The following PLK4 variants were observed in gnomAD, a reference collection of about 807,000 sequenced individuals.
The protein encoded by PLK4 is polo like kinase 4.
In PLK4, 51 loss-of-function variants were observed where a neutral mutation model predicts 103.0. The observed-to-expected ratio is 0.50, with a 90% CI of 0.40 to 0.63. The LOEUF is 0.63. Among genes scored for constraint, PLK4 ranks in the 20% least tolerant of loss-of-function variants. The pLI, the probability that PLK4 is intolerant of heterozygous loss-of-function variation, is 0.00. For synonymous variants in PLK4, 389 were observed against 376.8 expected (o/e 1.03, Z -0.38); for missense variants, 1,054 against 1,151.0 (o/e 0.92, Z 1.22).
rs142370870 is a variant in PLK4 at position 127,887,494 on chromosome 4, A to G, written c.1457A>G (p.Asn486Ser). Residue 486 changes from asparagine to serine, a missense_variant and splice_region_variant, in exon 6 of 16, where the codon AAT becomes AGT. Asn to Ser is a conservative substitution (Grantham distance 46). Transcript: ENST00000270861. ...VQQWFGNLQI[N>S]AHLRKTTEYD... ...CAGTGGTTTGGGAATCTGCAAATAA[A>G]TGGTGAGTTTTTAATGGAGTATTTA... 5.1e-6 allele frequency: 8 copies of G among 1,563,362 alleles called. No homozygotes were observed. Among genetic ancestry groups the G allele is most frequent in the Non-Finnish European group, 6.2e-6 (7 of 1,136,768 alleles).
At chr4:127,881,276 A>T in intron 1 of PLK4, 112 bp downstream of exon 1, 1 of 1,571,968 alleles carries the variant, frequency 6.4e-7, no homozygotes, top group Non-Finnish European at 8.6e-7. Flanking sequence ...GCGGGCACCG[A>T]GGTGCTTAGG....
In PLK4 at chr4:127,880,922, C is replaced by T; in HGVS notation, c.-213C>T. The T allele has an allele frequency of 1.7e-6, 1 of 589,854 alleles. No homozygotes were observed. The highest frequency in any genetic ancestry group is 3.0e-6 in the Non-Finnish European group (1 of 332,056). 36.5% of individuals were successfully genotyped at this position (589,854 alleles called of 1,614,324 possible). A position where few individuals can be genotyped will look rare whatever the true frequency, so the allele number is the denominator to read the frequency against. ...CCAGCCTAGCTCGGACGGCAAGCGGCGGGAGATTTTCAAAATGGGAGCCCA... is the reference window on the plus strand; with the variant it reads ...CCAGCCTAGCTCGGACGGCAAGCGGTGGGAGATTTTCAAAATGGGAGCCCA... On this transcript the variant is annotated 5_prime_UTR_variant, in exon 1 of 16. Transcript: ENST00000270861.
At position 127,881,111 on chromosome 4, in the gene PLK4, G is replaced by C. The variant is rs1734898147; in HGVS notation, c.-24G>C. The C allele has an allele frequency of 1.2e-6, 2 of 1,613,706 alleles. No homozygotes were observed. The highest frequency in any genetic ancestry group is 2.2e-5 in the East Asian group (1 of 44,884). On this transcript the variant is annotated 5_prime_UTR_variant, in exon 1 of 16. Coordinates refer to ENST00000270861, the MANE Select transcript of PLK4 (RefSeq NM_014264.5). ...ACTGCGTGAAGGAAGCTAATCCGGA[G>C]AACCCAGGCCAGAGCCTGGAAATAT...
At chr4:127,881,250 A>G in intron 1 of PLK4, 86 bp downstream of exon 1, 1 of 1,602,012 alleles carries the variant, frequency 6.2e-7, no homozygotes. Context: ...GAGCGAACGA[A>G]GCTAACGGCT....
Position 127,883,525 on chromosome 4 carries a change from T to C in PLK4, c.309T>C (p.Asn103=), listed in dbSNP as rs200010738. ...HNGEMNRYLK[N]RVKPFSENEA... ...GAGAAATGAACAGGTATCTAAAGAA[T>C]AGAGTGAAACCCTTCTCAGAAAATG... The change falls in exon 4 of 16, where the codon AAT becomes AAC. Residue 103 remains asparagine (N), a synonymous_variant. Transcript: ENST00000270861. The C allele has an allele frequency of 1.6e-5, 25 of 1,526,588 alleles. No individual in the cohort carries two copies. The highest frequency in any genetic ancestry group is 4.1e-5 in the African/African-American group (3 of 73,070). 94.6% of individuals were successfully genotyped at this position (1,526,588 alleles called of 1,614,324 possible). A position where few individuals can be genotyped will look rare whatever the true frequency, so the allele number is the denominator to read the frequency against.
intron 2 of PLK4, 103 bp from the exon 3 acceptor site, chr4:127,883,159 T>A: frequency 1.6e-6 from 1 of 634,852 alleles, no homozygotes; most frequent in Non-Finnish European, 2.8e-6. Flanking sequence ...CAAAGACGTA[T>A]AAAAGGACTT....
chr4:127,883,252 T>C lies in PLK4; in HGVS notation c.127-10T>C. On this transcript the variant is annotated splice_polypyrimidine_tract_variant and intron_variant, in intron 2 of 15. Coordinates refer to ENST00000270861, the MANE Select transcript of PLK4 (RefSeq NM_014264.5). Reference sequence around the variant, plus strand: ...GAAAGTCTGTCAACATTTAAACCTGTTATTTTTAGATAGATAAGAAAGCCA... The same window carrying C: ...GAAAGTCTGTCAACATTTAAACCTGCTATTTTTAGATAGATAAGAAAGCCA... 6 of 1,420,060 alleles carry C rather than the reference T, an allele frequency of 4.2e-6. No individual in the cohort carries two copies. Among genetic ancestry groups the C allele is most frequent in the Non-Finnish European group, 5.9e-6 (6 of 1,019,240 alleles). The allele number at this position is 1,420,060 out of a possible 1,614,324, so 88.0% of individuals were successfully genotyped here.
At chr4:127,889,788 C>A in intron 6 of PLK4, 78 bp from the exon 7 acceptor site, 1 of 1,034,104 alleles carries the variant, frequency 9.7e-7, no homozygotes, top group Non-Finnish European at 1.4e-6. Context: ...AATGCTATTA[C>A]AATCAGAGTG....
rs1007229901 is a variant in PLK4 at position 127,886,176 on chromosome 4, C to A, written c.806C>A (p.Ser269Tyr). 1.2e-6 allele frequency: 2 copies of A among 1,613,838 alleles called. No homozygotes were observed. The highest frequency in any genetic ancestry group is 2.7e-5 in the African/African-American group (2 of 74,888). The change falls in exon 5 of 16, where the codon TCT becomes TAT. Residue 269 changes from serine (S) to tyrosine (Y), a missense_variant. By Grantham distance (144) the Ser-to-Tyr change is moderately radical. This residue lies in a region of PLK4 where 680 missense variants were observed against 660.3 expected (regional missense o/e 1.03). Coordinates refer to ENST00000270861, the MANE Select transcript of PLK4 (RefSeq NM_014264.5). ...GACCATCCTTTTATGTCCCGAAATTCTTCAACAAAAAGTAAAGATTTAGGA... is the reference window on the plus strand; with the variant it reads ...GACCATCCTTTTATGTCCCGAAATTATTCAACAAAAAGTAAAGATTTAGGA... Reference protein sequence around the residue: ...VLDHPFMSRNSSTKSKDLGTV... With the variant: ...VLDHPFMSRNYSTKSKDLGTV...
At chr4:127,885,433 C>T (rs1055887963) in intron 4 of PLK4, among the ~76,000 whole-genome samples, 2 of 143,844 alleles carry the variant, frequency 1.4e-5, no homozygotes, top group Non-Finnish European at 1.5e-5. Flanking sequence ...GAGCCGAGAT[C>T]GCGCCACTGC....
At chr4:127,890,484 AT>A (rs2148821066) in intron 7 of PLK4, among the ~76,000 whole-genome samples, 1 of 152,286 alleles carries the variant, frequency 6.6e-6, no homozygotes, top group East Asian at 1.9e-4. Context: ...GTAGATTTGA[AT>A]GAAAAACATT....
chr4:127,894,255 G>C (rs1337681498), intron 13 of PLK4, among the ~76,000 whole-genome samples: 1 of 148,506 alleles, frequency 6.7e-6, no homozygotes, highest in African/African-American at 2.5e-5. Flanking sequence ...TTGTTTTTTT[G>C]AGACGGAGTC....
intron 14 of PLK4, among the ~76,000 whole-genome samples, chr4:127,895,423 T>C (rs1735524860): frequency 6.6e-6 from 1 of 150,694 alleles, no homozygotes; most frequent in Non-Finnish European, 1.5e-5. Flanking sequence ...TTGGAAATTA[T>C]TTGTAATCAA....
At chr4:127,888,046 G>C (rs1387015275) in intron 6 of PLK4, among the ~76,000 whole-genome samples, 1 of 150,382 alleles carries the variant, frequency 6.6e-6, no homozygotes, top group East Asian at 1.9e-4. Flanking sequence ...TGGGTTTGCT[G>C]GCACACACCT....
At chr4:127,890,331 A>C in intron 7 of PLK4, 95 bp downstream of exon 7, 1 of 970,062 alleles carries the variant, frequency 1.0e-6, no homozygotes, top group Non-Finnish European at 1.5e-6. Context: ...ATGTCCTTTT[A>C]CTTTGGGGTG....
Position 127,883,257 on chromosome 4 carries a change from T to C in PLK4, c.127-5T>C, listed in dbSNP as rs1158013785. ...TCTGTCAACATTTAAACCTGTTATT[T>C]TTAGATAGATAAGAAAGCCATGTAC... On this transcript the variant is annotated splice_region_variant and splice_polypyrimidine_tract_variant and intron_variant, in intron 2 of 15. Transcript: ENST00000270861. 3 of 1,469,398 alleles carry C rather than the reference T, an allele frequency of 2.0e-6. No individual in the cohort carries two copies. In the East Asian group the frequency reaches 6.8e-5, roughly 33 times the overall value. The allele number at this position is 1,469,398 out of a possible 1,614,324, so 91.0% of individuals were successfully genotyped here.
intron 5 of PLK4, 33 bp downstream of exon 5, chr4:127,886,761 T>C (rs1735151392): frequency 7.3e-7 from 1 of 1,378,110 alleles, no homozygotes; most frequent in African/African-American, 1.4e-5. Context: ...CATTTTGTTT[T>C]TTGGTAACAT....
rs766345955 is a variant in PLK4 at position 127,881,851 on chromosome 4, G to T, written c.51G>T (p.Leu17=). 1 of 1,605,704 alleles carries T rather than the reference G, an allele frequency of 6.2e-7. No homozygotes were observed. The highest frequency in any genetic ancestry group is 8.5e-7 in the Non-Finnish European group (1 of 1,172,414). The part of the protein sequence containing the change: ...EKIEDFKVGN[L]LGKGSFAGVY... ...TTAAGGATTTTAAAGTTGGAAATCT[G>T]CTTGGTAAAGGATCATTTGCTGGTG... Residue 17 remains leucine, a synonymous_variant, in exon 2 of 16, where the codon CTG becomes CTT. Coordinates refer to ENST00000270861, the MANE Select transcript of PLK4 (RefSeq NM_014264.5).
Position 127,898,481 on chromosome 4 carries a change from A to G in PLK4, c.2853A>G (p.Lys951=), listed in dbSNP as rs1331885179. The G allele has an allele frequency of 1.3e-6, 2 of 1,588,348 alleles. No homozygotes were observed. Among genetic ancestry groups the G allele is most frequent in the Non-Finnish European group, 1.7e-6 (2 of 1,160,202 alleles). The change falls in exon 16 of 16, where the codon AAA becomes AAG. Residue 951 remains lysine (K), a synonymous_variant. Transcript: ENST00000270861. The part of the protein sequence containing the change: ...NEKLPDYIKQ[K]LQCLSSILLM... ...AATTACCAGACTACATCAAACAGAA[A>G]TTACAGTGTCTGTCTTCCATCCTTT...
Sources: allele counts gnomAD v4.1 joint callset (sites outside exome capture counted in the v4.1 genomes callset), GRCh38; gene constraint gnomAD v4.1.1; regional missense constraint gnomAD v4.1.1; transcripts MANE v1.5; gene names NCBI Gene and HGNC (gene_info 2026-07-23, HGNC 2026-07-21).